Variants in DPY19L2 observed in about 807,000 individuals in gnomAD.
The protein encoded by DPY19L2 is probable C-mannosyltransferase DPY19L2.
Under a neutral mutation model 97.9 loss-of-function variants are expected in DPY19L2, and 34 were observed. The observed-to-expected ratio is 0.35, with a 90% CI of 0.26 to 0.46. The LOEUF is 0.46. Among genes scored for constraint, DPY19L2 ranks in the 20% least tolerant of loss-of-function variants. The probability of loss-of-function intolerance (pLI) is 1.00; values close to 1 mark genes in which losing one functional copy is unlikely to be tolerated. For synonymous variants in DPY19L2, 230 were observed against 307.9 expected, an observed-to-expected ratio of 0.75 and a Z score of 2.65; for missense variants, 623 against 911.4, an observed-to-expected ratio of 0.68 and a Z score of 4.07.
At chr12:63,592,670 T>C (rs1592479179) in intron 16 of DPY19L2, among the ~76,000 whole-genome samples, 1 of 146,404 alleles carries the variant, frequency 6.8e-6, no homozygotes, top group East Asian at 2.0e-4. Flanking sequence ...ACGTTAGACC[T>C]AAAACCATAA....
chr12:63,580,530 A>G, intron 19 of DPY19L2, 132 bp downstream of exon 19: 2 of 948,276 alleles, frequency 2.1e-6, no homozygotes, highest in Non-Finnish European at 2.9e-6. Flanking sequence ...CTGTGAGAGT[A>G]TGAATGCCTA....
chr12:63,594,647 C>T (rs373048751), intron 15 of DPY19L2, among the ~76,000 whole-genome samples: 18 of 124,326 alleles, frequency 1.4e-4, no homozygotes, highest in African/African-American at 6.4e-4. Context: ...CGTGTGTGTG[C>T]GTGTCTGTGT....
intron 11 of DPY19L2, among the ~76,000 whole-genome samples, chr12:63,610,387 C>A (rs1172185615): frequency 1.3e-5 from 2 of 150,742 alleles, no homozygotes; most frequent in Non-Finnish European, 2.9e-5. Context: ...CAGAATGAAA[C>A]TTCTGCTTCT....
At position 63,668,474 on chromosome 12, in the gene DPY19L2, C is replaced by T; in HGVS notation, c.-81G>A. The T allele has an allele frequency of 7.3e-7, 1 of 1,366,120 alleles. No homozygotes were observed. Among genetic ancestry groups the T allele is most frequent in the Non-Finnish European group, 9.7e-7 (1 of 1,029,624 alleles). 84.6% of individuals were successfully genotyped at this position (1,366,120 alleles called of 1,614,324 possible). A position where few individuals can be genotyped will look rare whatever the true frequency, so the allele number is the denominator to read the frequency against. On this transcript the variant is annotated 5_prime_UTR_variant, in exon 1 of 22. Transcript: ENST00000324472. ...GCGAGGTCCAGAGAGACCTGACTCG[C>T]CTGGCAGCCTCAACGGACTTGTCCC...
intron 11 of DPY19L2, among the ~76,000 whole-genome samples, chr12:63,610,867 A>AAAAAAAAAAC (rs1886869437): frequency 5.8e-5 from 6 of 102,876 alleles, no homozygotes; most frequent in Non-Finnish European, 1.2e-4. Context: ...AAAAAAAAAA[A>AAAAAAAAAAC]AAAAAAAACC....
intron 7 of DPY19L2, among the ~76,000 whole-genome samples, chr12:63,624,787 T>C (rs1889256704): frequency 6.6e-6 from 1 of 152,158 alleles, no homozygotes; most frequent in South Asian, 2.1e-4. Flanking sequence ...AAATTTTCCA[T>C]CAAAAATTCT....
At chr12:63,661,568 A>AC (rs1895687972) in intron 3 of DPY19L2, 87 bp from the exon 4 acceptor site, 1 of 704,856 alleles carries the variant, frequency 1.4e-6, no homozygotes, top group Non-Finnish European at 1.8e-6. Flanking sequence ...TTTTTTTCTG[A>AC]AAAAAAAAAA....
intron 4 of DPY19L2, chr12:63,651,864 C>A: frequency 2.7e-6 from 1 of 374,008 alleles, no homozygotes. Context: ...CCCAAAATTT[C>A]TTAATCTGAT....
chr12:63,611,541 G>A (rs1013074731), intron 11 of DPY19L2, among the ~76,000 whole-genome samples: 4 of 151,826 alleles, frequency 2.6e-5, no homozygotes, highest in Admixed American at 6.6e-5. Context: ...TACACATGGT[G>A]AAGAAGTGGT....
chr12:63,624,439 G>A (rs7301445), intron 7 of DPY19L2, among the ~76,000 whole-genome samples: 25,132 of 151,754 alleles, frequency 0.17, 2,137 homozygotes, highest in Middle Eastern at 0.22. Flanking sequence ...TAGATCCACA[G>A]CCCAGCCCTG....
chr12:63,628,466 T>C (rs952233249), intron 6 of DPY19L2, among the ~76,000 whole-genome samples: 10 of 152,096 alleles, frequency 6.6e-5, no homozygotes, highest in East Asian at 3.9e-4. Flanking sequence ...GCCTCCCTCA[T>C]TGCTAGCACA....
At chr12:63,627,550 A>G (rs1889779816) in intron 6 of DPY19L2, among the ~76,000 whole-genome samples, 1 of 152,020 alleles carries the variant, frequency 6.6e-6, no homozygotes, top group African/African-American at 2.4e-5. Flanking sequence ...GTGCTTCACC[A>G]TGTTGGCCAG....
chr12:63,600,715 G>C (rs1283311143), intron 12 of DPY19L2, among the ~76,000 whole-genome samples: 1 of 150,224 alleles, frequency 6.7e-6, no homozygotes, highest in South Asian at 2.1e-4. Context: ...AGGAAGGGGG[G>C]ATTTGAACAA....
intron 16 of DPY19L2, among the ~76,000 whole-genome samples, chr12:63,584,435 C>T (rs1270511988): frequency 2.0e-5 from 3 of 152,196 alleles, no homozygotes; most frequent in African/African-American, 7.2e-5. Context: ...CCAATCCTCA[C>T]TTTCCACAGT....
intron 19 of DPY19L2, among the ~76,000 whole-genome samples, chr12:63,574,878 C>T (rs1322418589): frequency 6.6e-6 from 1 of 152,032 alleles, no homozygotes; most frequent in African/African-American, 2.4e-5. Context: ...TTCAACACCA[C>T]ACTTTCAGCA....
At position 63,632,736 on chromosome 12, in the gene DPY19L2, A is replaced by G. The variant is rs189113344; in HGVS notation, c.804-6210T>C. The stretch of plus-strand genomic sequence containing the variant: ...CTACTTAAAAGTTCATATGGAACCA[A>G]AAAAGAGCCCGCATCGCCAAGACAA... On this transcript the variant is annotated intron_variant, in intron 6 of 21. Transcript: ENST00000324472. 2.0e-3 allele frequency among the ~76,000 whole-genome samples: 298 copies of G among 152,258 alleles called. 1 individual carries two copies. Among genetic ancestry groups the G allele is most frequent in the African/African-American group, 6.9e-3 (288 of 41,542 alleles).
At position 63,560,530 on chromosome 12, in the gene DPY19L2, T is replaced by A. The variant is rs1448155323; in HGVS notation, c.2259A>T (p.Arg753Ser). ...ATCCTTCTCAGTTAACCTTTAATAC[T>A]CTGTACACACTATTCTGAAATACTG... ...FTTVFQNSVYRVLKVN is the reference protein window; with the variant it reads ...FTTVFQNSVYSVLKVN Residue 753 changes from arginine to serine, a missense_variant, in exon 22 of 22, where the codon AGA becomes AGT. Transcript: ENST00000324472. 1.2e-6 allele frequency: 2 copies of A among 1,613,822 alleles called. No homozygotes were observed. The highest frequency in any genetic ancestry group is 1.7e-6 in the Non-Finnish European group (2 of 1,179,888).
chr12:63,664,211 T>A (rs554018295), intron 2 of DPY19L2, among the ~76,000 whole-genome samples: 1 of 152,052 alleles, frequency 6.6e-6, no homozygotes, highest in Admixed American at 6.5e-5. Context: ...GTAGTGCATG[T>A]CTGTAATCCT....
chr12:63,628,947 C>T (rs902127390), intron 6 of DPY19L2, among the ~76,000 whole-genome samples: 6 of 151,874 alleles, frequency 4.0e-5, no homozygotes, highest in Admixed American at 1.3e-4. Context: ...CTGATACCCA[C>T]GCAAACAGGG....
Sources: allele counts gnomAD v4.1 joint callset (sites outside exome capture counted in the v4.1 genomes callset), GRCh38; gene constraint gnomAD v4.1.1; transcripts MANE v1.5; gene names NCBI Gene and HGNC (gene_info 2026-07-23, HGNC 2026-07-21).